FAM53B: variants seen among roughly 807,000 people sequenced by gnomAD.
FAM53B encodes family with sequence similarity 53 member B, also known as protein FAM53B.
FAM53B carries 12 observed loss-of-function variants against 32.7 expected under a neutral mutation model. That is an observed-to-expected ratio of 0.37 (90% CI 0.24 to 0.59). The LOEUF is 0.59. FAM53B is among the 20% of genes least tolerant of loss of function. The pLI is 0.72. For missense variants in FAM53B, 477 were observed against 577.7 expected, an observed-to-expected ratio of 0.83 and a Z score of 1.79; for synonymous variants, 234 against 228.7, an observed-to-expected ratio of 1.02 and a Z score of -0.21.
chr10:124,656,445 A>G (rs1009284498), intron 4 of FAM53B, among the ~76,000 whole-genome samples: 12 of 152,256 alleles, frequency 7.9e-5, no homozygotes, highest in African/African-American at 2.7e-4. Flanking sequence ...GAACTCACAT[A>G]TAGACTATTT....
At chr10:124,628,159 T>C (rs547353754) in intron 4 of FAM53B, among the ~76,000 whole-genome samples, 1 of 152,272 alleles carries the variant, frequency 6.6e-6, no homozygotes, top group East Asian at 1.9e-4. Flanking sequence ...ACATGTTTTA[T>C]CAGTAGTGAC....
At chr10:124,653,780 T>G (rs1949570086) in intron 4 of FAM53B, among the ~76,000 whole-genome samples, 1 of 152,206 alleles carries the variant, frequency 6.6e-6, no homozygotes, top group African/African-American at 2.4e-5. Context: ...AGAACGCACT[T>G]TGGGACCTCC....
intron 3 of FAM53B, among the ~76,000 whole-genome samples, chr10:124,688,949 T>C (rs1334076654): frequency 1.3e-5 from 2 of 152,200 alleles, no homozygotes. Flanking sequence ...TATGGTCACA[T>C]AAGTACAGAA....
At chr10:124,660,595 C>T (rs1949625082) in intron 4 of FAM53B, among the ~76,000 whole-genome samples, 1 of 152,222 alleles carries the variant, frequency 6.6e-6, no homozygotes, top group South Asian at 2.1e-4. Context: ...CACGGCAGAG[C>T]CTGAGACAGC....
At chr10:124,639,190 G>T (rs1377604284) in intron 4 of FAM53B, among the ~76,000 whole-genome samples, 1 of 152,208 alleles carries the variant, frequency 6.6e-6, no homozygotes, top group Non-Finnish European at 1.5e-5. Flanking sequence ...GGATTCAGAG[G>T]TGGGCCATGG....
rs561825376 is a variant in FAM53B, at chr10:124,706,860, T to C, written c.-147A>G. ...ACTCACCCTTGGGGTGGGGCCCTTC[T>C]GGGAAATGGCCAAATGTGGTCAACT... On this transcript the variant is annotated 5_prime_UTR_variant, in exon 2 of 5. Coordinates refer to ENST00000337318, the MANE Select transcript of FAM53B (RefSeq NM_014661.4). The C allele has an allele frequency of 7.4e-6, 11 of 1,483,496 alleles. No individual in the cohort carries two copies. Among genetic ancestry groups the C allele is most frequent in the Middle Eastern group, 2.4e-4 (1 of 4,096 alleles). The allele number at this position is 1,483,496 out of a possible 1,614,324, so 91.9% of individuals were successfully genotyped here. A position where few individuals can be genotyped will look rare whatever the true frequency, so the allele number is the denominator to read the frequency against.
rs76581228 is a variant in FAM53B at position 124,695,375 on chromosome 10, A to G, written c.133+783T>C. Among the ~76,000 whole-genome samples the G allele has an allele frequency of 6.0e-3, 913 of 152,306 alleles. 5 individuals carry two copies. Among genetic ancestry groups the G allele is most frequent in the African/African-American group, 0.021 (867 of 41,556 alleles). On this transcript the variant is annotated intron_variant, in intron 3 of 4. Transcript: ENST00000337318. Reference sequence around the variant, plus strand: ...GTCATCTTTTTTACCGCCTATAAAAAACAGTAATTCACACTTGCACAGAAA... The same window carrying G: ...GTCATCTTTTTTACCGCCTATAAAAGACAGTAATTCACACTTGCACAGAAA...
At chr10:124,627,340 A>C (rs993627017) in intron 4 of FAM53B, among the ~76,000 whole-genome samples, 2 of 152,200 alleles carry the variant, frequency 1.3e-5, no homozygotes, top group Non-Finnish European at 2.9e-5. Context: ...AGCTCTAGCT[A>C]CCCCATGGAA....
chr10:124,685,389 A>G (rs1949796298), intron 3 of FAM53B, among the ~76,000 whole-genome samples: 1 of 152,252 alleles, frequency 6.6e-6, no homozygotes, highest in Non-Finnish European at 1.5e-5. Flanking sequence ...GGGGGCCCAC[A>G]GCCCGCCCTC....
intron 4 of FAM53B, among the ~76,000 whole-genome samples, chr10:124,641,100 G>A (rs181821595): frequency 6.6e-6 from 1 of 152,342 alleles, no homozygotes; most frequent in East Asian, 1.9e-4. Context: ...AGTGCCCAGA[G>A]CAGACACCCT....
rs1384502412 is a variant in FAM53B, at chr10:124,696,181, G to A, written c.110C>T (p.Thr37Ile). The A allele has an allele frequency of 3.1e-6, 5 of 1,614,000 alleles. No homozygotes were observed. Among genetic ancestry groups the A allele is most frequent in the East Asian group, 2.2e-5 (1 of 44,904 alleles). The change falls in exon 3 of 5, where the codon ACA becomes ATA. Residue 37 changes from threonine (T) to isoleucine (I), a missense_variant. Transcript: ENST00000337318. The part of the protein sequence containing the change: ...HTPKKMSQGP[T>I]LFSCGIMEND... ...ACCCATAATTCCACAAGAGAAAAGTGTAGGTCCTTGACTCATCTTCTTTGG... is the reference window on the plus strand; with the variant it reads ...ACCCATAATTCCACAAGAGAAAAGTATAGGTCCTTGACTCATCTTCTTTGG...
At chr10:124,674,905 T>C (rs886742092) in intron 4 of FAM53B, among the ~76,000 whole-genome samples, 20 of 152,182 alleles carry the variant, frequency 1.3e-4, no homozygotes, top group Admixed American at 2.0e-4. Flanking sequence ...GGGGCTCTCA[T>C]CTGAGCGGCT....
chr10:124,643,782 G>A (rs1322879889), intron 4 of FAM53B, among the ~76,000 whole-genome samples: 1 of 152,246 alleles, frequency 6.6e-6, no homozygotes, highest in African/African-American at 2.4e-5. Context: ...GGAAGGCTCA[G>A]AAGATGAGGC....
intron 3 of FAM53B, among the ~76,000 whole-genome samples, chr10:124,683,829 C>T (rs988721974): frequency 1.3e-5 from 2 of 152,210 alleles, no homozygotes; most frequent in Admixed American, 6.5e-5. Context: ...GTGCTCGAGG[C>T]AGCAAGGACT....
intron 1 of FAM53B, among the ~76,000 whole-genome samples, chr10:124,723,102 G>A (rs1417817345): frequency 6.6e-6 from 1 of 152,178 alleles, no homozygotes; most frequent in Non-Finnish European, 1.5e-5. Flanking sequence ...CACGCCCTCT[G>A]CCTCTGTGCA....
At chr10:124,707,297 C>T (rs1374141153) in intron 1 of FAM53B, among the ~76,000 whole-genome samples, 6 of 152,198 alleles carry the variant, frequency 3.9e-5, no homozygotes, top group Non-Finnish European at 8.8e-5. Context: ...AGGGTCAGAA[C>T]ATGCCTCAGC....
intron 4 of FAM53B, among the ~76,000 whole-genome samples, chr10:124,658,893 G>A (rs887690762): frequency 2.0e-5 from 3 of 152,172 alleles, no homozygotes; most frequent in Admixed American, 6.5e-5. Flanking sequence ...TGCGCTGCAC[G>A]GGCTCAGCAC....
intron 3 of FAM53B, among the ~76,000 whole-genome samples, chr10:124,694,389 C>A (rs1341503521): frequency 6.6e-6 from 1 of 152,276 alleles, no homozygotes; most frequent in Non-Finnish European, 1.5e-5. Flanking sequence ...CACACACCTC[C>A]CTTCTCCGGG....
intron 4 of FAM53B, chr10:124,667,325 T>C (rs2134060428): frequency 2.8e-6 from 2 of 702,242 alleles, no homozygotes; most frequent in East Asian, 5.4e-5. Context: ...TTAAATTATA[T>C]ATGTGGCTTG....
Sources: gnomAD v4.1 joint callset for allele counts (sites outside exome capture counted in the v4.1 genomes callset) on GRCh38, gnomAD v4.1.1 for gene constraint, MANE v1.5 for transcripts, NCBI Gene and HGNC (gene_info 2026-07-23, HGNC 2026-07-21) for gene names.